IMMP2L: variants seen among roughly 807,000 people sequenced by gnomAD.
IMMP2L encodes inner mitochondrial membrane peptidase subunit 2, also known as mitochondrial inner membrane protease subunit 2.
IMMP2L carries 18 observed loss-of-function variants against 19.3 expected under a neutral mutation model. The observed-to-expected ratio is 0.93, with a 90% CI of 0.64 to 1.38. IMMP2L has a LOEUF of 1.38. Among genes scored for constraint, IMMP2L ranks in the 40% most tolerant of loss-of-function variants. IMMP2L has a pLI of 0.00. For missense variants in IMMP2L, 233 were observed against 218.2 expected (o/e 1.07, Z -0.43); for synonymous variants, 76 against 73.0 (o/e 1.04, Z -0.21).
At chr7:110,729,509 T>C (rs934804599) in intron 5 of IMMP2L, among the ~76,000 whole-genome samples, 1 of 152,196 alleles carries the variant, frequency 6.6e-6, no homozygotes, top group African/African-American at 2.4e-5. Flanking sequence ...GAGATTGGAA[T>C]TGGAGATGAG....
intron 2 of IMMP2L, among the ~76,000 whole-genome samples, chr7:111,511,054 C>G (rs1279321924): frequency 6.6e-6 from 1 of 152,074 alleles, no homozygotes; most frequent in African/African-American, 2.4e-5. Context: ...TTCACTTCCT[C>G]CCATTTTCCA....
intron 5 of IMMP2L, among the ~76,000 whole-genome samples, chr7:110,880,572 G>C (rs1457135533): frequency 6.6e-6 from 1 of 151,904 alleles, no homozygotes; most frequent in Non-Finnish European, 1.5e-5. Flanking sequence ...ATATTCAATA[G>C]TAGACTTTTT....
chr7:111,146,705 T>A (rs1803515052), intron 3 of IMMP2L, among the ~76,000 whole-genome samples: 1 of 151,894 alleles, frequency 6.6e-6, no homozygotes, highest in East Asian at 1.9e-4. Flanking sequence ...AAAAAGATGT[T>A]AAAAAAATAT....
At chr7:111,481,319 G>A (rs200489168) in intron 3 of IMMP2L, among the ~76,000 whole-genome samples, 59 of 152,176 alleles carry the variant, frequency 3.9e-4, no homozygotes, top group Non-Finnish European at 5.1e-4. Context: ...CCATAGCATC[G>A]TACCACATTA....
chr7:111,004,298 C>A lies in IMMP2L; in HGVS notation c.240-40733G>T, dbSNP rs552948483. Reference sequence around the variant, plus strand: ...GCTCAAGTGATCCTCCCCCGCTCAGCCTCCTGATGTACCATCACGCCTGGC... The same window carrying A: ...GCTCAAGTGATCCTCCCCCGCTCAGACTCCTGATGTACCATCACGCCTGGC... On this transcript the variant is annotated intron_variant, in intron 3 of 5. Transcript: ENST00000405709. 3.9e-5 allele frequency among the ~76,000 whole-genome samples: 6 copies of A among 152,234 alleles called. No individual in the cohort carries two copies. The East Asian group carries it at 1.2e-3, about 29-fold the overall frequency.
At chr7:110,943,111 A>G (rs1459145386) in intron 4 of IMMP2L, among the ~76,000 whole-genome samples, 1 of 152,030 alleles carries the variant, frequency 6.6e-6, no homozygotes, top group Non-Finnish European at 1.5e-5. Context: ...GCTAAGGCAT[A>G]CAGTTTCACG....
chr7:110,789,171 C>G (rs1800289193), intron 5 of IMMP2L, among the ~76,000 whole-genome samples: 1 of 151,742 alleles, frequency 6.6e-6, no homozygotes, highest in Admixed American at 6.6e-5. Context: ...TGAGTGAACC[C>G]CAGGCTTTGG....
chr7:110,812,061 G>T (rs1464523660), intron 5 of IMMP2L, among the ~76,000 whole-genome samples: 6 of 151,838 alleles, frequency 4.0e-5, no homozygotes, highest in African/African-American at 1.5e-4. Flanking sequence ...ACATATATTT[G>T]GTGATGGAAT....
intron 3 of IMMP2L, among the ~76,000 whole-genome samples, chr7:111,045,989 GC>G (rs1190003492): frequency 6.6e-6 from 1 of 151,336 alleles, no homozygotes; most frequent in Non-Finnish European, 1.5e-5. Context: ...ATAAGGGAAG[GC>G]CAATAAAATA....
At chr7:111,156,092 T>C (rs1427625861) in intron 3 of IMMP2L, among the ~76,000 whole-genome samples, 1 of 152,212 alleles carries the variant, frequency 6.6e-6, no homozygotes, top group Non-Finnish European at 1.5e-5. Context: ...ACAAGATTTT[T>C]ATTATTTCTA....
intron 5 of IMMP2L, among the ~76,000 whole-genome samples, chr7:110,867,744 C>A (rs1051810708): frequency 6.6e-6 from 1 of 152,000 alleles, no homozygotes; most frequent in Non-Finnish European, 1.5e-5. Context: ...CCAGCTCCTC[C>A]AGGCCTTTGT....
intron 3 of IMMP2L, among the ~76,000 whole-genome samples, chr7:111,346,566 G>A (rs895753126): frequency 2.0e-5 from 3 of 152,064 alleles, no homozygotes; most frequent in Admixed American, 6.6e-5. Context: ...AGTTTTTTAA[G>A]TGATAAAATT....
intron 3 of IMMP2L, among the ~76,000 whole-genome samples, chr7:111,170,147 T>C (rs1806268275): frequency 6.6e-6 from 1 of 151,904 alleles, no homozygotes; most frequent in African/African-American, 2.4e-5. Flanking sequence ...TGAATTGCCA[T>C]TTGGAAGAAA....
chr7:110,782,076 A>G (rs1182259875), intron 5 of IMMP2L, among the ~76,000 whole-genome samples: 1 of 151,912 alleles, frequency 6.6e-6, no homozygotes, highest in African/African-American at 2.4e-5. Flanking sequence ...AGTCAGCCCA[A>G]TAAACACCTG....
intron 3 of IMMP2L, among the ~76,000 whole-genome samples, chr7:111,423,083 G>C (rs1229228793): frequency 6.6e-6 from 1 of 151,778 alleles, no homozygotes; most frequent in African/African-American, 2.4e-5. Flanking sequence ...TGATCATGGT[G>C]GATAAGCTTC....
chr7:111,115,626 G>A (rs1644646921), intron 3 of IMMP2L, among the ~76,000 whole-genome samples: 2 of 151,804 alleles, frequency 1.3e-5, no homozygotes, highest in South Asian at 4.2e-4. Context: ...ATTAGGGTGA[G>A]ACATTTGCAA....
chr7:111,326,440 A>T (rs1825325552), intron 3 of IMMP2L, among the ~76,000 whole-genome samples: 1 of 151,858 alleles, frequency 6.6e-6, no homozygotes. Context: ...CATAAGTGAA[A>T]GCTGTACAAT....
intron 3 of IMMP2L, among the ~76,000 whole-genome samples, chr7:111,470,882 AAAATAAAT>A (rs892798761): frequency 1.3e-5 from 2 of 151,278 alleles, no homozygotes; most frequent in Non-Finnish European, 3.0e-5. Context: ...TAATAATAAT[AAAATAAAT>A]AAATAAATAA....
intron 3 of IMMP2L, among the ~76,000 whole-genome samples, chr7:111,066,750 G>A (rs931372655): frequency 5.3e-5 from 8 of 152,190 alleles, no homozygotes; most frequent in African/African-American, 1.9e-4. Flanking sequence ...AATGTCAGGA[G>A]TGTCTGATTG....
Sources: allele counts gnomAD v4.1 joint callset (sites outside exome capture counted in the v4.1 genomes callset), GRCh38; gene constraint gnomAD v4.1.1; transcripts MANE v1.5; gene names NCBI Gene and HGNC (gene_info 2026-07-23, HGNC 2026-07-21).